The following RPTOR variants were observed in gnomAD, a reference collection of about 807,000 sequenced individuals.
The protein encoded by RPTOR is regulatory-associated protein of mTOR.
A neutral mutation model predicts 169.9 loss-of-function variants in RPTOR; 21 were observed. The ratio of observed to expected loss-of-function variants is 0.12; its 90% CI spans 0.09 to 0.18. The LOEUF is 0.18. Ranked by LOEUF, RPTOR falls within the 10% of genes least tolerant of loss-of-function variation. The pLI, the probability that RPTOR is intolerant of heterozygous loss-of-function variation, is 1.00. For synonymous variants in RPTOR, 732 were observed against 753.2 expected (o/e 0.97, Z 0.46); for missense variants, 1,133 against 1,855.9 (o/e 0.61, Z 7.16).
Position 80,759,358 on chromosome 17 carries a change from G to C in RPTOR, c.830+5173G>C, listed in dbSNP as rs553978245. 2.1e-3 allele frequency among the ~76,000 whole-genome samples: 317 copies of C among 152,274 alleles called. 1 individual carries two copies. Among genetic ancestry groups the C allele is most frequent in the African/African-American group, 7.4e-3 (307 of 41,534 alleles). The stretch of plus-strand genomic sequence containing the variant: ...CCTTGTAGGAGTTAGGACATAGTCA[G>C]ATTTTTAAAAGTAAGCATTTAGTAG... On this transcript the variant is annotated intron_variant, in intron 6 of 33. Coordinates refer to ENST00000306801, the MANE Select transcript of RPTOR (RefSeq NM_020761.3).
rs77385044 is a variant in RPTOR, at chr17:80,908,071, G to A, written c.2402-740G>A. ...AACACCTGCCTGTAGGATTGCTGGG[G>A]AATTAAATAGGACCGAGCAGCCGCA... On this transcript the variant is annotated intron_variant, in intron 20 of 33. Transcript: ENST00000306801. 7.7e-3 allele frequency among the ~76,000 whole-genome samples: 1,176 copies of A among 152,262 alleles called. 20 individuals carry two copies. The highest frequency in any genetic ancestry group is 0.027 in the African/African-American group (1,120 of 41,544).
At chr17:80,756,475 T>C (rs1000611442) in intron 6 of RPTOR, among the ~76,000 whole-genome samples, 3 of 152,182 alleles carry the variant, frequency 2.0e-5, no homozygotes, top group Non-Finnish European at 2.9e-5. Context: ...TATTTCAAAA[T>C]AGCTTGGAGA....
At chr17:80,922,655 T>C in intron 21 of RPTOR, 69 bp from the exon 22 acceptor site, 1 of 1,296,970 alleles carries the variant, frequency 7.7e-7, no homozygotes, top group South Asian at 1.3e-5. Flanking sequence ...CGCCAGCCTC[T>C]GCTTCGTGTG....
At chr17:80,620,529 C>T (rs1438342116) in intron 1 of RPTOR, among the ~76,000 whole-genome samples, 4 of 152,182 alleles carry the variant, frequency 2.6e-5, no homozygotes, top group Admixed American at 6.5e-5. Context: ...CTTTGGGAGG[C>T]GGATGCTGCC....
intron 7 of RPTOR, among the ~76,000 whole-genome samples, chr17:80,807,554 G>A (rs2067231303): frequency 6.6e-6 from 1 of 152,184 alleles, no homozygotes; most frequent in Non-Finnish European, 1.5e-5. Flanking sequence ...GTTTCACCAT[G>A]TTGGCCAGGC....
At chr17:80,883,710 C>T (rs962598819) in intron 15 of RPTOR, 71 bp from the exon 16 acceptor site, 25 of 1,523,726 alleles carry the variant, frequency 1.6e-5, no homozygotes, top group African/African-American at 1.2e-4. Context: ...ACCGTTGTCC[C>T]GTGCAGGTAC....
chr17:80,952,762 C>T (rs946780516), intron 28 of RPTOR, among the ~76,000 whole-genome samples: 16 of 152,044 alleles, frequency 1.1e-4, no homozygotes, highest in African/African-American at 3.4e-4. Flanking sequence ...GAGGATCGTG[C>T]CTGGGACGTG....
chr17:80,790,823 C>G (rs1260460925), intron 6 of RPTOR, among the ~76,000 whole-genome samples: 1 of 152,112 alleles, frequency 6.6e-6, no homozygotes, highest in African/African-American at 2.4e-5. Context: ...ACTGCATTGC[C>G]TTTTTACTCT....
intron 8 of RPTOR, 85 bp from the exon 9 acceptor site, chr17:80,822,994 T>G: frequency 6.7e-7 from 1 of 1,481,526 alleles, no homozygotes; most frequent in Non-Finnish European, 9.2e-7. Flanking sequence ...TTAGTAATTT[T>G]TGATAGAAGT....
At chr17:80,931,162 G>T (rs35848637) in intron 24 of RPTOR, among the ~76,000 whole-genome samples, 6 of 151,954 alleles carry the variant, frequency 3.9e-5, no homozygotes, top group African/African-American at 1.5e-4. Context: ...TTCCACCTCC[G>T]CCTGCAGACA....
chr17:80,809,001 A>G (rs1168643486), intron 7 of RPTOR, among the ~76,000 whole-genome samples: 1 of 152,200 alleles, frequency 6.6e-6, no homozygotes, highest in Non-Finnish European at 1.5e-5. Context: ...GTGGGCATAT[A>G]TATTCATTTC....
chr17:80,869,339 C>T (rs2589141), intron 13 of RPTOR, among the ~76,000 whole-genome samples: 125,052 of 151,946 alleles, frequency 0.82, 52,190 homozygotes, highest in African/African-American at 0.96. Context: ...TTTATGTTTT[C>T]AGTGGACGAG....
chr17:80,559,861 T>C (rs1194895020), intron 1 of RPTOR, among the ~76,000 whole-genome samples: 1 of 152,238 alleles, frequency 6.6e-6, no homozygotes, highest in Non-Finnish European at 1.5e-5. Flanking sequence ...TGCAAGAGGT[T>C]GACTTCCTTG....
Position 80,962,978 on chromosome 17 carries a change from TCAA to T in RPTOR, c.3866_3868del (p.Asn1289del). 6.2e-7 allele frequency: 1 copy of T among 1,613,168 alleles called. No individual in the cohort carries two copies. Among genetic ancestry groups the T allele is most frequent in the South Asian group, 1.1e-5 (1 of 91,064 alleles). ...ATCTACAACAGCAGCGGAGAGCTCATCAACAACATCAAGTACTACGACGGCTTC... is the reference window on the plus strand; with the variant it reads ...ATCTACAACAGCAGCGGAGAGCTCATCAACATCAAGTACTACGACGGCTTC... On this transcript the variant is annotated inframe_deletion, in exon 33 of 34. Coordinates refer to ENST00000306801, the MANE Select transcript of RPTOR (RefSeq NM_020761.3).
intron 23 of RPTOR, chr17:80,923,997 G>A (rs1413968860): frequency 1.0e-5 from 4 of 385,706 alleles, no homozygotes; most frequent in Non-Finnish European, 1.4e-5. Context: ...TCCATGTAAC[G>A]AAACAGGAGC....
At chr17:80,636,092 C>T (rs748569191) in intron 2 of RPTOR, among the ~76,000 whole-genome samples, 39 of 152,132 alleles carry the variant, frequency 2.6e-4, no homozygotes, top group Admixed American at 3.9e-4. Flanking sequence ...CAGCTTTATT[C>T]CTTCCAGCTG....
chr17:80,556,826 G>A (rs962375852), intron 1 of RPTOR, among the ~76,000 whole-genome samples: 1 of 151,910 alleles, frequency 6.6e-6, no homozygotes, highest in African/African-American at 2.4e-5. Flanking sequence ...AGGCACGGTG[G>A]CTCACGCCTG....
chr17:80,740,463 C>T (rs2066472335), intron 5 of RPTOR, among the ~76,000 whole-genome samples: 1 of 151,368 alleles, frequency 6.6e-6, no homozygotes, highest in African/African-American at 2.4e-5. Flanking sequence ...ACACACCGTT[C>T]AAAAAAAATA....
At chr17:80,909,005 TG>T in intron 21 of RPTOR, 76 bp downstream of exon 21, 1 of 998,016 alleles carries the variant, frequency 1.0e-6, no homozygotes, top group Non-Finnish European at 1.6e-6. Context: ...GAACTCCAGG[TG>T]TGCCCGGGTC....
Sources: gnomAD v4.1 joint callset for allele counts (sites outside exome capture counted in the v4.1 genomes callset) on GRCh38, gnomAD v4.1.1 for gene constraint, MANE v1.5 for transcripts, NCBI Gene and HGNC (gene_info 2026-07-23, HGNC 2026-07-21) for gene names.